The following BRAF variants were observed in gnomAD, a reference collection of about 807,000 sequenced individuals.
BRAF encodes B-Raf proto-oncogene, serine/threonine kinase.
In BRAF, 16 loss-of-function variants were observed where a neutral mutation model predicts 104.6. The ratio of observed to expected loss-of-function variants is 0.15; its 90% CI spans 0.10 to 0.23. BRAF has a LOEUF of 0.23. Among genes scored for constraint, BRAF ranks in the 10% least tolerant of loss-of-function variants. The probability of loss-of-function intolerance (pLI) is 1.00; values close to 1 mark genes in which losing one functional copy is unlikely to be tolerated. For synonymous variants in BRAF, 310 were observed against 341.6 expected (o/e 0.91, Z 1.02); for missense variants, 541 against 937.3 (o/e 0.58, Z 5.52).
chr7:140,744,404 G>A (rs1343014138), intron 17 of BRAF, among the ~76,000 whole-genome samples: 1 of 152,224 alleles, frequency 6.6e-6, no homozygotes, highest in African/African-American at 2.4e-5. Context: ...TCTGAATTCT[G>A]TCCTATGAGT....
At chr7:140,831,783 C>T (rs1293010971) in intron 3 of BRAF, among the ~76,000 whole-genome samples, 1 of 152,218 alleles carries the variant, frequency 6.6e-6, no homozygotes, top group Non-Finnish European at 1.5e-5. Context: ...AACTAACACA[C>T]ACCTTCAAAA....
intron 1 of BRAF, among the ~76,000 whole-genome samples, chr7:140,908,291 G>T (rs968305815): frequency 1.3e-5 from 2 of 152,086 alleles, no homozygotes; most frequent in Non-Finnish European, 2.9e-5. Flanking sequence ...ATTGCTGAAA[G>T]AATTCTACAT....
chr7:140,834,253 G>C, intron 3 of BRAF: 1 of 385,198 alleles, frequency 2.6e-6, no homozygotes, highest in Non-Finnish European at 4.7e-6. Flanking sequence ...ATATAACTCA[G>C]AAAGGAGATT....
chr7:140,825,128 C>T (rs560121060), intron 3 of BRAF, among the ~76,000 whole-genome samples: 2 of 151,974 alleles, frequency 1.3e-5, no homozygotes, highest in Non-Finnish European at 2.9e-5. Flanking sequence ...TGCCACCACG[C>T]CCAGCTAATT....
In BRAF at chr7:140,749,272, G is replaced by A. The variant is rs766089848; in HGVS notation, c.2112+15C>T. Reference sequence around the variant, plus strand: ...TAGACGGTAAAATAAACACCAAGACGTGGTAAATATTTACCTGGTCCCTGT... The same window carrying A: ...TAGACGGTAAAATAAACACCAAGACATGGTAAATATTTACCTGGTCCCTGT... On this transcript the variant is annotated intron_variant, in intron 17 of 19. Coordinates refer to ENST00000644969, the MANE Select transcript of BRAF (RefSeq NM_001374258.1). 18 of 1,610,292 alleles carry A rather than the reference G, an allele frequency of 1.1e-5. No individual in the cohort carries two copies. Among genetic ancestry groups the A allele is most frequent in the East Asian group, 6.7e-5 (3 of 44,750 alleles).
At chr7:140,873,800 T>C (rs1215570190) in intron 1 of BRAF, among the ~76,000 whole-genome samples, 1 of 152,052 alleles carries the variant, frequency 6.6e-6, no homozygotes, top group Non-Finnish European at 1.5e-5. Context: ...AAAAGCCAGG[T>C]CAGGCAACAT....
intron 17 of BRAF, among the ~76,000 whole-genome samples, chr7:140,746,044 A>T (rs1228312556): frequency 6.6e-6 from 1 of 152,166 alleles, no homozygotes; most frequent in East Asian, 1.9e-4. Flanking sequence ...ACACCCCGTA[A>T]ATCTACTCTA....
chr7:140,720,353 CAGG>C lies in BRAF; in HGVS notation c.*6138_*6140del, dbSNP rs988470512. On this transcript the variant is annotated 3_prime_UTR_variant, in exon 20 of 20. Coordinates refer to ENST00000644969, the MANE Select transcript of BRAF (RefSeq NM_001374258.1). Reference sequence around the variant, plus strand: ...CCATGGATGCATTTTAAAATGAAGGCAGGAGAAGGGGACAGCACAGAGACATAC... The same window carrying C: ...CCATGGATGCATTTTAAAATGAAGGCAGAAGGGGACAGCACAGAGACATAC... 2.8e-6 allele frequency: 3 copies of C among 1,062,198 alleles called. No homozygotes were observed. The highest frequency in any genetic ancestry group is 2.3e-6 in the Non-Finnish European group (2 of 877,462). The allele number at this position is 1,062,198 out of a possible 1,614,324, so 65.8% of individuals were successfully genotyped here.
At chr7:140,834,968 C>T in intron 2 of BRAF, 96 bp from the exon 3 acceptor site, 3 of 1,403,224 alleles carry the variant, frequency 2.1e-6, no homozygotes, top group Non-Finnish European at 1.0e-6. Context: ...AATCTTTTCA[C>T]CAGTTGATAG....
At chr7:140,759,760 T>C (rs370709168) in intron 14 of BRAF, among the ~76,000 whole-genome samples, 8 of 151,924 alleles carry the variant, frequency 5.3e-5, no homozygotes, top group South Asian at 4.2e-4. Flanking sequence ...AGCTGAGGAG[T>C]AGACAGTGAG....
At chr7:140,758,009 T>C (rs1379280248) in intron 14 of BRAF, 2 of 152,250 alleles carry the variant, frequency 1.3e-5, no homozygotes, top group African/African-American at 4.8e-5. Context: ...ATTTATCAAC[T>C]TAGCTTATTT....
At chr7:140,793,916 A>T (rs1442949994) in intron 8 of BRAF, among the ~76,000 whole-genome samples, 2 of 152,210 alleles carry the variant, frequency 1.3e-5, no homozygotes, top group African/African-American at 4.8e-5. Flanking sequence ...ATGAGCCACT[A>T]TGCCTGGCCT....
intron 2 of BRAF, among the ~76,000 whole-genome samples, chr7:140,839,359 A>G (rs1807685491): frequency 6.6e-6 from 1 of 152,104 alleles, no homozygotes; most frequent in South Asian, 2.1e-4. Flanking sequence ...ATAATTGAGC[A>G]CCCTCATTTT....
At chr7:140,858,383 A>C (rs1810033933) in intron 1 of BRAF, among the ~76,000 whole-genome samples, 1 of 152,210 alleles carries the variant, frequency 6.6e-6, no homozygotes, top group Admixed American at 6.5e-5. Context: ...ACACTGAAAT[A>C]ATCAAATATA....
intron 4 of BRAF, chr7:140,808,453 A>T (rs917020555): frequency 1.4e-5 from 4 of 284,692 alleles, no homozygotes; most frequent in Admixed American, 9.9e-5. Context: ...CCCCAAAATA[A>T]TTTTTTTTTT....
intron 2 of BRAF, among the ~76,000 whole-genome samples, chr7:140,838,161 A>T (rs1455496546): frequency 6.6e-6 from 1 of 152,182 alleles, no homozygotes; most frequent in Non-Finnish European, 1.5e-5. Flanking sequence ...CCTTCTCATC[A>T]AAACTCTAAA....
At chr7:140,833,769 A>AT (rs1328580952) in intron 3 of BRAF, among the ~76,000 whole-genome samples, 19 of 152,200 alleles carry the variant, frequency 1.2e-4, no homozygotes, top group African/African-American at 4.1e-4. Context: ...ATTTCCTAAG[A>AT]TAAAAACTTA....
chr7:140,803,445 T>C (rs1018466796), intron 5 of BRAF, among the ~76,000 whole-genome samples: 3 of 152,270 alleles, frequency 2.0e-5, no homozygotes, highest in African/African-American at 7.2e-5. Flanking sequence ...TGGTTAACTT[T>C]GGATAAAAAT....
rs1473312809 is a variant in BRAF at position 140,920,252 on chromosome 7, A to G, written c.138+4314T>C. On this transcript the variant is annotated intron_variant, in intron 1 of 19. Coordinates refer to ENST00000644969, the MANE Select transcript of BRAF (RefSeq NM_001374258.1). Reference sequence around the variant, plus strand: ...GGTATTCAGCTAAATTAACAACATCAAAGTGTCAAAGAAACAAAATGCACT... The same window carrying G: ...GGTATTCAGCTAAATTAACAACATCGAAGTGTCAAAGAAACAAAATGCACT... 3.9e-5 allele frequency among the ~76,000 whole-genome samples: 6 copies of G among 152,246 alleles called. 1 individual carries two copies. The highest frequency in any genetic ancestry group is 2.6e-4 in the Admixed American group (4 of 15,280).
Sources: allele counts gnomAD v4.1 joint callset (sites outside exome capture counted in the v4.1 genomes callset), GRCh38; gene constraint gnomAD v4.1.1; transcripts MANE v1.5; gene names NCBI Gene and HGNC (gene_info 2026-07-23, HGNC 2026-07-21).